Variants in ZXDC observed in about 807,000 individuals in gnomAD.
The protein encoded by ZXDC is ZXD family zinc finger C.
Under a neutral mutation model 63.6 loss-of-function variants are expected in ZXDC, and 58 were observed. The ratio of observed to expected loss-of-function variants is 0.91; its 90% CI spans 0.74 to 1.13. The LOEUF is 1.13. Ranked by LOEUF, ZXDC falls within the 50% of genes most tolerant of loss-of-function variation. The pLI is 0.00. For synonymous variants in ZXDC, 561 were observed against 496.1 expected (o/e 1.13, Z -1.74); for missense variants, 1,133 against 1,148.9 (o/e 0.99, Z 0.20).
intron 7 of ZXDC, chr3:126,450,475 G>A (rs545313439): frequency 3.3e-5 from 15 of 456,706 alleles, no homozygotes; most frequent in South Asian, 2.2e-4. Context: ...CCTCAAAGAT[G>A]CCCTCATCCA....
At chr3:126,466,867 A>T (rs1934789908) in intron 4 of ZXDC, among the ~76,000 whole-genome samples, 1 of 152,110 alleles carries the variant, frequency 6.6e-6, no homozygotes, top group South Asian at 2.1e-4. Flanking sequence ...CTCCCAGTCC[A>T]CTTATGTCTC....
chr3:126,464,702 C>T (rs1934686435), intron 5 of ZXDC, among the ~76,000 whole-genome samples: 2 of 151,980 alleles, frequency 1.3e-5, no homozygotes, highest in African/African-American at 4.8e-5. Context: ...TGAGAGGGAA[C>T]GGCCAAACAG....
chr3:126,473,962 G>C (rs868018227), intron 1 of ZXDC, among the ~76,000 whole-genome samples: 1 of 152,160 alleles, frequency 6.6e-6, no homozygotes, highest in Non-Finnish European at 1.5e-5. Flanking sequence ...CCCTGTGAAA[G>C]CAGGGAAAGC....
chr3:126,473,553 T>C (rs971417905), intron 1 of ZXDC, among the ~76,000 whole-genome samples: 3 of 152,166 alleles, frequency 2.0e-5, no homozygotes, highest in Non-Finnish European at 4.4e-5. Flanking sequence ...AGAATGATAC[T>C]CTTTTAGCAG....
At position 126,461,697 on chromosome 3, in the gene ZXDC, C is replaced by T. The variant is rs372827271; in HGVS notation, c.1965G>A (p.Leu655=). The T allele has an allele frequency of 2.0e-5, 32 of 1,612,616 alleles. No homozygotes were observed. Among genetic ancestry groups the T allele is most frequent in the Non-Finnish European group, 2.6e-5 (31 of 1,179,800 alleles). ...TPRENASVPE[L]LAPIKVEPDS... ...CCGGCTCCACCTTGATTGGAGCCAGCAGTTCCGGGACACTGGCATTTTCTC... is the reference window on the plus strand; with the variant it reads ...CCGGCTCCACCTTGATTGGAGCCAGTAGTTCCGGGACACTGGCATTTTCTC... Residue 655 remains leucine (L), a synonymous_variant, in exon 6 of 10, where the codon CTG becomes CTA. Transcript: ENST00000389709.
At chr3:126,445,677 A>C (rs1933857727) in intron 7 of ZXDC, among the ~76,000 whole-genome samples, 2 of 151,980 alleles carry the variant, frequency 1.3e-5, no homozygotes, top group Non-Finnish European at 2.9e-5. Context: ...CCGTTCCAGC[A>C]AGGACTGCAC....
In ZXDC at chr3:126,475,593, G is replaced by A. The variant is rs139188163; in HGVS notation, c.273C>T (p.Ala91=). Residue 91 remains alanine, a synonymous_variant, in exon 1 of 10, where the codon GCC becomes GCT. Transcript: ENST00000389709. ...VPHGGAAAEA[A]GSQEAEPGSR... ...AGCCAGGCTCGGCCTCCTGTGATCC[G>A]GCAGCCTCGGCGGCAGCGCCGCCGT... 63,342 of 1,465,654 alleles carry A rather than the reference G, an allele frequency of 0.043. 1,531 individuals carry two copies. Among genetic ancestry groups the A allele is most frequent in the Middle Eastern group, 0.053 (281 of 5,316 alleles). 90.8% of individuals were successfully genotyped at this position (1,465,654 alleles called of 1,614,324 possible).
At chr3:126,438,803 G>A (rs1488039575) in intron 9 of ZXDC, among the ~76,000 whole-genome samples, 2 of 152,158 alleles carry the variant, frequency 1.3e-5, no homozygotes, top group Non-Finnish European at 1.5e-5. Context: ...TTAGGTGTCC[G>A]TCCGCCTGTG....
Position 126,441,744 on chromosome 3 carries a change from G to A in ZXDC, c.2394+21C>T, listed in dbSNP as rs368728194. 63 of 1,562,296 alleles carry A rather than the reference G, an allele frequency of 4.0e-5. No individual in the cohort carries two copies. The African/African-American group carries it at 7.2e-4, about 18-fold the overall frequency. Reference sequence around the variant, plus strand: ...CTCCCACCCCGCCTACAGCTGGCCTGTGTGACTGGCCAGCTCTCACCTGCA... The same window carrying A: ...CTCCCACCCCGCCTACAGCTGGCCTATGTGACTGGCCAGCTCTCACCTGCA... On this transcript the variant is annotated intron_variant, in intron 8 of 9. Transcript: ENST00000389709.
intron 7 of ZXDC, among the ~76,000 whole-genome samples, chr3:126,452,721 A>G (rs17741746): frequency 0.033 from 5,018 of 151,358 alleles, 93 homozygotes; most frequent in South Asian, 0.053. Flanking sequence ...TATCTTCGTA[A>G]GAGTCACCAA....
chr3:126,454,430 CCTTGAATTCTGCA>C (rs1191873364), intron 7 of ZXDC: 3 of 985,234 alleles, frequency 3.0e-6, no homozygotes, highest in Non-Finnish European at 3.6e-6. Flanking sequence ...CATGCTTTTT[CCTTGAATTCTGCA>C]CTTTTCATAT....
At chr3:126,459,343 C>T (rs1403761748) in intron 7 of ZXDC, 3 of 985,338 alleles carry the variant, frequency 3.0e-6, no homozygotes, top group South Asian at 4.7e-5. Flanking sequence ...ACAATCTCTG[C>T]TTTCCTGACA....
intron 9 of ZXDC, among the ~76,000 whole-genome samples, chr3:126,439,115 G>A (rs1188198021): frequency 6.6e-6 from 1 of 152,152 alleles, no homozygotes; most frequent in Non-Finnish European, 1.5e-5. Context: ...TGATTGCGAG[G>A]GAAATGCTGA....
At chr3:126,467,143 A>G (rs1048655974) in intron 4 of ZXDC, among the ~76,000 whole-genome samples, 1 of 152,110 alleles carries the variant, frequency 6.6e-6, no homozygotes, top group African/African-American at 2.4e-5. Flanking sequence ...GAGAAGGCAG[A>G]AAAGCGGTCT....
intron 6 of ZXDC, chr3:126,460,142 G>T: frequency 1.0e-6 from 1 of 985,354 alleles, no homozygotes; most frequent in Admixed American, 6.1e-5. Flanking sequence ...CCCGGGGCAG[G>T]TCCCACCTTA....
intron 7 of ZXDC, chr3:126,443,054 C>G (rs115011151): frequency 1.3e-5 from 2 of 152,244 alleles, no homozygotes; most frequent in Non-Finnish European, 2.9e-5. Flanking sequence ...AGCAGGCAAG[C>G]CAACTGGGTG....
chr3:126,443,958 AGTTC>A (rs1482034878), intron 7 of ZXDC, among the ~76,000 whole-genome samples: 1 of 152,230 alleles, frequency 6.6e-6, no homozygotes, highest in African/African-American at 2.4e-5. Flanking sequence ...TTCCCCAGTT[AGTTC>A]ATGTATTTGT....
intron 7 of ZXDC, among the ~76,000 whole-genome samples, chr3:126,447,928 C>T (rs6788484): frequency 0.024 from 3,584 of 152,324 alleles, 111 homozygotes; most frequent in South Asian, 0.13. Context: ...CTGCATACCA[C>T]GTGGCCAACA....
At position 126,439,687 on chromosome 3, in the gene ZXDC, C is replaced by T; in HGVS notation, c.2435G>A (p.Gly812Asp). Residue 812 changes from glycine (G) to aspartate (D), a missense_variant, in exon 9 of 10, where the codon GGC becomes GAC. Coordinates refer to ENST00000389709, the MANE Select transcript of ZXDC (RefSeq NM_025112.5). Reference protein sequence around the residue: ...SGEGVLPSARGPATFLPFLTV... With the variant: ...SGEGVLPSARDPATFLPFLTV... ...GAGGAAGGGGAGGAAGGTGGCTGGG[C>T]CGCGGGCCGAGGGCAGGACACCTTC... The T allele has an allele frequency of 6.4e-7, 1 of 1,552,930 alleles. No homozygotes were observed. The highest frequency in any genetic ancestry group is 8.7e-7 in the Non-Finnish European group (1 of 1,147,554).
Sources: allele counts gnomAD v4.1 joint callset (sites outside exome capture counted in the v4.1 genomes callset), GRCh38; gene constraint gnomAD v4.1.1; transcripts MANE v1.5; gene names NCBI Gene and HGNC (gene_info 2026-07-23, HGNC 2026-07-21).